The following PARP14 variants were observed in gnomAD, a reference collection of about 807,000 sequenced individuals.
PARP14 encodes poly(ADP-ribose) polymerase family member 14, also known as protein mono-ADP-ribosyltransferase PARP14.
PARP14 carries 59 observed loss-of-function variants against 154.2 expected under a neutral mutation model. That is an observed-to-expected ratio of 0.38 (90% CI 0.31 to 0.48). PARP14 has a LOEUF of 0.48. PARP14 is among the 20% of genes least tolerant of loss of function. The pLI is 0.98. For missense variants in PARP14, 1,734 were observed against 2,131.6 expected (o/e 0.81, Z 3.67); for synonymous variants, 720 against 780.5 (o/e 0.92, Z 1.29).
chr3:122,695,975 A>T lies in PARP14; in HGVS notation c.835+313A>T, dbSNP rs1426266161. Among the ~76,000 whole-genome samples, 7 of 152,352 alleles carry T rather than the reference A, an allele frequency of 4.6e-5. No homozygotes were observed. The East Asian group carries it at 1.3e-3, about 29-fold the overall frequency. ...AAAGGAGATGATCTGTGTTTTAGCC[A>T]CACACTTGATAGAAGCTCTCAAATT... On this transcript the variant is annotated intron_variant, in intron 5 of 16. Transcript: ENST00000474629.
rs1342904928 is a variant in PARP14 at position 122,718,495 on chromosome 3, C to T, written c.4344C>T (p.Asp1448=). 1.9e-6 allele frequency: 3 copies of T among 1,613,760 alleles called. No individual in the cohort carries two copies. Among genetic ancestry groups the T allele is most frequent in the Non-Finnish European group, 2.5e-6 (3 of 1,179,846 alleles). ...CVEYAISWLQ[D]LIEKEQCPYT... ...AATATGCTATCTCCTGGCTACAAGACCTGATTGAAAAAGAACAGTGTCCTT... is the reference window on the plus strand; with the variant it reads ...AATATGCTATCTCCTGGCTACAAGATCTGATTGAAAAAGAACAGTGTCCTT... The change falls in exon 14 of 17, where the codon GAC becomes GAT. Residue 1448 remains aspartate, a synonymous_variant. Coordinates refer to ENST00000474629, the MANE Select transcript of PARP14 (RefSeq NM_017554.3).
At position 122,728,845 on chromosome 3, in the gene PARP14, G is replaced by T; in HGVS notation, c.*248G>T. ...TTGCAACTGTGTGTCCACAAGTATG[G>T]ACATCAAATCTGTGGGAAAAGAACA... On this transcript the variant is annotated 3_prime_UTR_variant, in exon 17 of 17. Transcript: ENST00000474629. 1 of 432,202 alleles carries T rather than the reference G, an allele frequency of 2.3e-6. No homozygotes were observed. The highest frequency in any genetic ancestry group is 4.5e-5 in the East Asian group (1 of 22,404). The allele number at this position is 432,202 out of a possible 1,614,324, so 26.8% of individuals were successfully genotyped here. A position where few individuals can be genotyped will look rare whatever the true frequency, so the allele number is the denominator to read the frequency against.
chr3:122,726,123 C>A (rs1933281129), intron 15 of PARP14, among the ~76,000 whole-genome samples: 1 of 152,114 alleles, frequency 6.6e-6, no homozygotes, highest in Admixed American at 6.6e-5. Flanking sequence ...TATTTGAAAC[C>A]CGATGAAACA....
At chr3:122,728,195 C>G in intron 16 of PARP14, 113 bp from the exon 17 acceptor site, 1 of 1,060,444 alleles carries the variant, frequency 9.4e-7, no homozygotes, top group East Asian at 2.4e-5. Context: ...GTGAAAAGCA[C>G]ACACAAAAAA....
chr3:122,688,552 A>C (rs1367356758), intron 3 of PARP14, among the ~76,000 whole-genome samples: 1 of 151,428 alleles, frequency 6.6e-6, no homozygotes, highest in Non-Finnish European at 1.5e-5. Flanking sequence ...CCAGATACTT[A>C]AGTTGGCTCC....
chr3:122,712,399 C>A (rs375676069), intron 9 of PARP14, among the ~76,000 whole-genome samples: 3 of 151,980 alleles, frequency 2.0e-5, no homozygotes, highest in Non-Finnish European at 4.4e-5. Flanking sequence ...TGTGCCACCA[C>A]GCCCAGCTAA....
chr3:122,684,528 C>T (rs1381365184), intron 1 of PARP14, among the ~76,000 whole-genome samples: 1 of 152,204 alleles, frequency 6.6e-6, no homozygotes, highest in Non-Finnish European at 1.5e-5. Flanking sequence ...GAATTCAAAT[C>T]CAGATCTTTG....
At chr3:122,696,787 C>G (rs933997152) in intron 5 of PARP14, among the ~76,000 whole-genome samples, 4 of 152,118 alleles carry the variant, frequency 2.6e-5, no homozygotes, top group African/African-American at 9.7e-5. Context: ...TTCATGTAAA[C>G]TCTATGAGGC....
intron 4 of PARP14, among the ~76,000 whole-genome samples, chr3:122,694,547 T>G (rs1471951601): frequency 1.3e-5 from 2 of 152,170 alleles, no homozygotes; most frequent in African/African-American, 4.8e-5. Flanking sequence ...TTATTATTAT[T>G]ATTTTAAGAT....
Position 122,694,300 on chromosome 3 carries a change from T to A in PARP14, c.599-1126T>A, listed in dbSNP as rs186712205. 7.9e-5 allele frequency among the ~76,000 whole-genome samples: 12 copies of A among 152,310 alleles called. No individual in the cohort carries two copies. In the East Asian group the frequency reaches 2.1e-3, roughly 27 times the overall value. On this transcript the variant is annotated intron_variant, in intron 4 of 16. Coordinates refer to ENST00000474629, the MANE Select transcript of PARP14 (RefSeq NM_017554.3). ...TGACATAGATCTTTCCCTATCCATC[T>A]GGTAAACCCCTCTTCATTGTTCAAA...
At chr3:122,690,473 A>G (rs941919627) in intron 3 of PARP14, among the ~76,000 whole-genome samples, 1 of 152,164 alleles carries the variant, frequency 6.6e-6, no homozygotes, top group Admixed American at 6.5e-5. Flanking sequence ...GTTGTAACAA[A>G]CAACCTCCCA....
chr3:122,705,743 G>A (rs938391652), intron 8 of PARP14, among the ~76,000 whole-genome samples: 2 of 152,204 alleles, frequency 1.3e-5, no homozygotes, highest in African/African-American at 4.8e-5. Flanking sequence ...TGAATTTTTA[G>A]GTAATGCTTC....
In PARP14 at chr3:122,724,302, C is replaced by CT. The variant is rs35510761; in HGVS notation, c.4942-3496dup. On this transcript the variant is annotated intron_variant, in intron 15 of 16. Transcript: ENST00000474629. ...AATCATGAACTTGTATTTATGTTTT[C>CT]TTTTTTTTTTTTTTGAGGCAAAGTT... 6.4e-3 allele frequency among the ~76,000 whole-genome samples: 928 copies of CT among 145,940 alleles called. 6 individuals carry two copies. The highest frequency in any genetic ancestry group is 0.038 in the South Asian group (177 of 4,606).
intron 5 of PARP14, among the ~76,000 whole-genome samples, chr3:122,698,692 A>G (rs1938857338): frequency 6.6e-6 from 1 of 152,204 alleles, no homozygotes; most frequent in Admixed American, 6.5e-5. Flanking sequence ...GGTTGTTGTG[A>G]GGATGAAATG....
At chr3:122,719,676 A>T (rs1166570645) in intron 14 of PARP14, among the ~76,000 whole-genome samples, 2 of 152,238 alleles carry the variant, frequency 1.3e-5, no homozygotes, top group Non-Finnish European at 2.9e-5. Flanking sequence ...ACCCTGGGGA[A>T]ATGATAAATC....
chr3:122,720,373 C>T lies in PARP14; in HGVS notation c.4926C>T (p.His1642=). 1 of 1,613,074 alleles carries T rather than the reference C, an allele frequency of 6.2e-7. No homozygotes were observed. The highest frequency in any genetic ancestry group is 1.1e-5 in the South Asian group (1 of 90,800). The part of the protein sequence containing the change: ...VASKFNQTCS[H]FRIEKIERIQ... ...GCAAGTTTAATCAGACCTGCTCACA[C>T]TTCAGAATAGAGAAGGTAAGCCTTC... Residue 1642 remains histidine (H), a synonymous_variant, in exon 15 of 17, where the codon CAC becomes CAT. Transcript: ENST00000474629.
At chr3:122,714,787 T>C (rs888860786) in intron 12 of PARP14, among the ~76,000 whole-genome samples, 4 of 152,230 alleles carry the variant, frequency 2.6e-5, no homozygotes, top group African/African-American at 9.7e-5. Context: ...TTCTCCATTA[T>C]GCAGTCCTTA....
intron 9 of PARP14, among the ~76,000 whole-genome samples, chr3:122,713,137 T>A (rs1321359663): frequency 6.6e-6 from 1 of 152,248 alleles, no homozygotes; most frequent in Non-Finnish European, 1.5e-5. Flanking sequence ...GGTGGCTTTT[T>A]GTATTTGTCC....
rs752641687 is a variant in PARP14, at chr3:122,727,794, T to C, written c.4942-18T>C. The C allele has an allele frequency of 1.3e-6, 2 of 1,552,632 alleles. No homozygotes were observed. Among genetic ancestry groups the C allele is most frequent in the Non-Finnish European group, 1.8e-6 (2 of 1,136,984 alleles). ...TGCTCTTGGAACTGGCAGAATATTATCCTTTATTAATTTGCAGATTGAGAG... is the reference window on the plus strand; with the variant it reads ...TGCTCTTGGAACTGGCAGAATATTACCCTTTATTAATTTGCAGATTGAGAG... On this transcript the variant is annotated intron_variant, in intron 15 of 16. Transcript: ENST00000474629.
Sources: allele counts gnomAD v4.1 joint callset (sites outside exome capture counted in the v4.1 genomes callset), GRCh38; gene constraint gnomAD v4.1.1; transcripts MANE v1.5; gene names NCBI Gene and HGNC (gene_info 2026-07-23, HGNC 2026-07-21).